GRIN2B: variants seen among roughly 807,000 people sequenced by gnomAD.
GRIN2B encodes glutamate ionotropic receptor NMDA type subunit 2B, also known as glutamate receptor ionotropic, NMDA 2B.
In GRIN2B, 5 loss-of-function variants were observed where a neutral mutation model predicts 114.5. The observed-to-expected ratio is 0.04, with a 90% CI of 0.02 to 0.09. The LOEUF (loss-of-function observed/expected upper bound fraction) is 0.09. Among genes scored for constraint, GRIN2B ranks in the 10% least tolerant of loss-of-function variants. The pLI, the probability that GRIN2B is intolerant of heterozygous loss-of-function variation, is 1.00. For synonymous variants in GRIN2B, 787 were observed against 745.1 expected, an observed-to-expected ratio of 1.06 and a Z score of -0.92; for missense variants, 1,108 against 1,943.5, an observed-to-expected ratio of 0.57 and a Z score of 8.08.
intron 4 of GRIN2B, among the ~76,000 whole-genome samples, chr12:13,746,633 C>A (rs1863388313): frequency 6.6e-6 from 1 of 152,308 alleles, no homozygotes; most frequent in South Asian, 2.1e-4. Context: ...AGGAGTGATA[C>A]AGTTTGGATG....
At chr12:13,927,984 G>T (rs555922582) in intron 2 of GRIN2B, among the ~76,000 whole-genome samples, 92 of 26,582 alleles carry the variant, frequency 3.5e-3, no homozygotes, top group African/African-American at 8.8e-3. Context: ...AAAAAAAAAG[G>T]GGGGGTATGC....
intron 3 of GRIN2B, among the ~76,000 whole-genome samples, chr12:13,792,662 A>G (rs920563494): frequency 3.9e-5 from 6 of 152,236 alleles, no homozygotes; most frequent in African/African-American, 1.4e-4. Context: ...TGTGCTCTCA[A>G]TGGAAGAAGA....
intron 10 of GRIN2B, among the ~76,000 whole-genome samples, chr12:13,583,052 T>C (rs1948873408): frequency 6.6e-6 from 1 of 152,220 alleles, no homozygotes; most frequent in East Asian, 1.9e-4. Flanking sequence ...ATATTAACTA[T>C]ATTAACTTTA....
rs151202238 is a variant in GRIN2B, at chr12:13,713,162, A to G, written c.1011-37303T>C. 4.8e-4 allele frequency among the ~76,000 whole-genome samples: 73 copies of G among 152,060 alleles called. 1 individual carries two copies. Among genetic ancestry groups the G allele is most frequent in the African/African-American group, 1.6e-3 (67 of 41,532 alleles). Reference sequence around the variant, plus strand: ...ATTTACAGTACATTTAAGAAACGTTAGGTATTTCTTTTAACATCCTTGGTT... The same window carrying G: ...ATTTACAGTACATTTAAGAAACGTTGGGTATTTCTTTTAACATCCTTGGTT... On this transcript the variant is annotated intron_variant, in intron 4 of 13. Transcript: ENST00000609686.
intron 4 of GRIN2B, among the ~76,000 whole-genome samples, chr12:13,677,520 C>G (rs1188347313): frequency 6.6e-6 from 1 of 152,228 alleles, no homozygotes; most frequent in East Asian, 1.9e-4. Flanking sequence ...CACAGAAGAT[C>G]CCAAAGGAGT....
chr12:13,774,494 G>A (rs147062606), intron 3 of GRIN2B, among the ~76,000 whole-genome samples: 4,482 of 152,258 alleles, frequency 0.029, 97 homozygotes, highest in Non-Finnish European at 0.047. Flanking sequence ...TAGAAGAGGC[G>A]TTTAATAATT....
chr12:13,799,923 T>C (rs1306995372), intron 3 of GRIN2B, among the ~76,000 whole-genome samples: 7 of 152,232 alleles, frequency 4.6e-5, no homozygotes, highest in South Asian at 4.2e-4. Context: ...CCTAAAACCT[T>C]GCTGCCTGCC....
At chr12:13,942,983 T>C (rs907394325) in intron 2 of GRIN2B, among the ~76,000 whole-genome samples, 2 of 151,814 alleles carry the variant, frequency 1.3e-5, no homozygotes, top group African/African-American at 2.4e-5. Context: ...GGCCCTCCCA[T>C]CCCGGTTCAT....
At chr12:13,565,841 G>C (rs893195700) in intron 13 of GRIN2B, among the ~76,000 whole-genome samples, 2 of 152,316 alleles carry the variant, frequency 1.3e-5, no homozygotes, top group African/African-American at 4.8e-5. Flanking sequence ...CAGCAAGATG[G>C]AAGATCTTCA....
At chr12:13,929,640 T>C (rs1866985762) in intron 2 of GRIN2B, among the ~76,000 whole-genome samples, 1 of 152,230 alleles carries the variant, frequency 6.6e-6, no homozygotes. Context: ...TCCTGTCACC[T>C]GTGAACAACA....
chr12:13,754,880 G>A (rs1591713294), intron 3 of GRIN2B, among the ~76,000 whole-genome samples: 1 of 152,044 alleles, frequency 6.6e-6, no homozygotes, highest in African/African-American at 2.4e-5. Flanking sequence ...CATTTTAAAT[G>A]TCTCCCATTT....
chr12:13,737,675 A>G (rs1863210224), intron 4 of GRIN2B, among the ~76,000 whole-genome samples: 1 of 152,228 alleles, frequency 6.6e-6, no homozygotes, highest in Non-Finnish European at 1.5e-5. Context: ...AATGCTAGAG[A>G]GATAGGTGGA....
chr12:13,912,559 T>C (rs114198608), intron 2 of GRIN2B, among the ~76,000 whole-genome samples: 1,893 of 152,278 alleles, frequency 0.012, 43 homozygotes, highest in African/African-American at 0.043. Context: ...AGCTCCGTAC[T>C]TGTGGGCACA....
intron 5 of GRIN2B, among the ~76,000 whole-genome samples, chr12:13,619,613 A>G (rs1949491397): frequency 6.6e-6 from 1 of 152,148 alleles, no homozygotes; most frequent in Admixed American, 6.6e-5. Flanking sequence ...ACCACCAACC[A>G]CTGCAAACCG....
intron 2 of GRIN2B, 57 bp from the exon 3 acceptor site, chr12:13,866,283 T>C: frequency 6.9e-7 from 1 of 1,452,376 alleles, no homozygotes; most frequent in African/African-American, 1.4e-5. Flanking sequence ...TAACCTGTCT[T>C]AGAAGAGGCT....
At chr12:13,675,934 A>T in intron 4 of GRIN2B, 75 bp from the exon 5 acceptor site, 2 of 833,032 alleles carry the variant, frequency 2.4e-6, no homozygotes, top group Non-Finnish European at 4.2e-6. Context: ...AGGTATATAG[A>T]GAGAAAGCTG....
In GRIN2B at chr12:13,548,968, C is replaced by T. The variant is rs1485368495; in HGVS notation, c.*13815G>A. ...AAGGACTTTTCCATCTTCCTACCTC[C>T]TCTCCTATCTTCCCTCTAGGGCTAG... On this transcript the variant is annotated 3_prime_UTR_variant, in exon 14 of 14. Transcript: ENST00000609686. 1 of 151,484 alleles carries T rather than the reference C, an allele frequency of 6.6e-6. No individual in the cohort carries two copies. The highest frequency in any genetic ancestry group is 1.5e-5 in the Non-Finnish European group (1 of 67,886). The allele number at this position is 151,484 out of a possible 1,614,324, so 9.4% of individuals were successfully genotyped here.
chr12:13,599,279 G>A (rs1949120556), intron 10 of GRIN2B, among the ~76,000 whole-genome samples: 1 of 152,098 alleles, frequency 6.6e-6, no homozygotes, highest in African/African-American at 2.4e-5. Context: ...ATCAGCCCTA[G>A]CATATGCCCA....
chr12:13,843,768 C>A (rs1210296225), intron 3 of GRIN2B, among the ~76,000 whole-genome samples: 1 of 152,186 alleles, frequency 6.6e-6, no homozygotes, highest in African/African-American at 2.4e-5. Flanking sequence ...TTTGTGAAGT[C>A]CAACATGACT....
Sources: allele counts gnomAD v4.1 joint callset (sites outside exome capture counted in the v4.1 genomes callset), GRCh38; gene constraint gnomAD v4.1.1; transcripts MANE v1.5; gene names NCBI Gene and HGNC (gene_info 2026-07-23, HGNC 2026-07-21).